The following ZCWPW1 variants were observed in gnomAD, a reference collection of about 807,000 sequenced individuals.
ZCWPW1 encodes the protein zinc finger CW-type PWWP domain protein 1.
Under a neutral mutation model 81.3 loss-of-function variants are expected in ZCWPW1, and 56 were observed. That is an observed-to-expected ratio of 0.69 (90% CI 0.56 to 0.86). The LOEUF (loss-of-function observed/expected upper bound fraction) is 0.86, where lower values mean the gene tolerates loss of function less well. ZCWPW1 is among the 40% of genes least tolerant of loss of function. The probability of loss-of-function intolerance (pLI) is 0.00; values close to 1 mark genes in which losing one functional copy is unlikely to be tolerated. For synonymous variants in ZCWPW1, 250 were observed against 273.7 expected (o/e 0.91, Z 0.86); for missense variants, 650 against 769.8 (o/e 0.84, Z 1.84).
chr7:100,427,494 G>A (rs913054219), intron 1 of ZCWPW1, among the ~76,000 whole-genome samples: 1 of 151,784 alleles, frequency 6.6e-6, no homozygotes. Flanking sequence ...AAGGTCAGGA[G>A]TTCGAGACCA....
At chr7:100,421,901 A>T (rs1796422857) in intron 2 of ZCWPW1, among the ~76,000 whole-genome samples, 1 of 152,164 alleles carries the variant, frequency 6.6e-6, no homozygotes, top group Non-Finnish European at 1.5e-5. Flanking sequence ...CATATTGGTC[A>T]GGCTGGTCTT....
Position 100,425,140 on chromosome 7 carries a change from G to T in ZCWPW1, c.-136-4C>A, listed in dbSNP as rs1475277437. 1 of 152,204 alleles carries T rather than the reference G, an allele frequency of 6.6e-6. No homozygotes were observed. Among genetic ancestry groups the T allele is most frequent in the East Asian group, 1.9e-4 (1 of 5,186 alleles). 9.4% of individuals were successfully genotyped at this position (152,204 alleles called of 1,614,324 possible). A position where few individuals can be genotyped will look rare whatever the true frequency, so the allele number is the denominator to read the frequency against. ...TCACAATAACAAATACTGAAAGCTG[G>T]TTCAGAGAGAGAGAGAAAAAAATAT... On this transcript the variant is annotated splice_polypyrimidine_tract_variant and splice_region_variant and intron_variant, in intron 1 of 17. Coordinates refer to ENST00000684423, the MANE Select transcript of ZCWPW1 (RefSeq NM_001386010.1).
At position 100,416,064 on chromosome 7, in the gene ZCWPW1, T is replaced by C; in HGVS notation, c.665A>G (p.His222Arg). The change falls in exon 8 of 18, where the codon CAT becomes CGT. Residue 222 changes from histidine (H) to arginine (R), a missense_variant. His to Arg is a conservative substitution (Grantham distance 29). Transcript: ENST00000684423. ...TAGTCGGTCTTCCTGTCTGTGCTCA[T>C]GTCCACCTTGAGTTTTCTCCACCTT... is the stretch of plus-strand genomic sequence containing the variant. Reference protein sequence around the residue: ...DEKVEKTQGGHEHRQEDRLKK... With the variant: ...DEKVEKTQGGREHRQEDRLKK... 1 of 1,614,098 alleles carries C rather than the reference T, an allele frequency of 6.2e-7. No homozygotes were observed. Among genetic ancestry groups the C allele is most frequent in the Non-Finnish European group, 8.5e-7 (1 of 1,180,044 alleles).
At chr7:100,406,370 G>A (rs1293382689) in intron 12 of ZCWPW1, among the ~76,000 whole-genome samples, 2 of 152,092 alleles carry the variant, frequency 1.3e-5, no homozygotes, top group South Asian at 2.1e-4. Flanking sequence ...TATCTCGCCC[G>A]AAATGCCAAT....
chr7:100,403,622 G>A (rs1198968430), intron 15 of ZCWPW1, 72 bp downstream of exon 15: 2 of 1,396,504 alleles, frequency 1.4e-6, no homozygotes, highest in East Asian at 5.3e-5. Flanking sequence ...CCAGGAGTTT[G>A]AGACCAGCCT....
At chr7:100,419,558 T>C in intron 4 of ZCWPW1, 72 bp downstream of exon 4, 3 of 1,524,630 alleles carry the variant, frequency 2.0e-6, no homozygotes, top group South Asian at 1.4e-5. Flanking sequence ...GAAAAGACTC[T>C]GTTTGTCTAG....
chr7:100,428,432 T>G (rs1213114164), intron 1 of ZCWPW1, 136 bp downstream of exon 1: 1 of 152,274 alleles, frequency 6.6e-6, no homozygotes, highest in Non-Finnish European at 1.5e-5. Context: ...TGGTGTCACA[T>G]ATTTTTAGGC....
intron 2 of ZCWPW1, among the ~76,000 whole-genome samples, chr7:100,424,207 C>T (rs915829524): frequency 4.0e-5 from 6 of 151,820 alleles, no homozygotes; most frequent in South Asian, 2.1e-4. Context: ...TAAATTACAA[C>T]GGCTATGCTA....
intron 1 of ZCWPW1, among the ~76,000 whole-genome samples, chr7:100,425,480 C>CA (rs751171101): frequency 7.2e-5 from 11 of 151,990 alleles, no homozygotes; most frequent in Non-Finnish European, 1.3e-4. Context: ...ATGAGGATCT[C>CA]AAAAAAGAGT....
At chr7:100,417,227 A>G in intron 5 of ZCWPW1, 44 bp from the exon 6 acceptor site, 2 of 1,508,306 alleles carry the variant, frequency 1.3e-6, no homozygotes, top group Non-Finnish European at 1.8e-6. Flanking sequence ...AAAAAACGAA[A>G]AAGCCACTCT....
At chr7:100,401,733 G>A (rs1791943589) in intron 17 of ZCWPW1, among the ~76,000 whole-genome samples, 156 bp downstream of exon 17, 1 of 152,198 alleles carries the variant, frequency 6.6e-6, no homozygotes. Flanking sequence ...TTTCTATAGT[G>A]TGTGCTGGGT....
chr7:100,403,163 G>A (rs937728441), intron 15 of ZCWPW1, among the ~76,000 whole-genome samples: 23 of 152,056 alleles, frequency 1.5e-4, no homozygotes, highest in Admixed American at 1.4e-3. Flanking sequence ...CCATTCTAAC[G>A]AGATCCTTAC....
intron 9 of ZCWPW1, 66 bp from the exon 10 acceptor site, chr7:100,408,725 G>A: frequency 6.4e-7 from 1 of 1,562,852 alleles, no homozygotes. Flanking sequence ...CTGGATGAGA[G>A]CTGGGGAGAG....
intron 5 of ZCWPW1, among the ~76,000 whole-genome samples, chr7:100,418,483 T>G (rs1795761732): frequency 1.3e-5 from 2 of 152,072 alleles, no homozygotes; most frequent in African/African-American, 4.8e-5. Context: ...AGACCTCATC[T>G]CTACAAAAAG....
intron 2 of ZCWPW1, among the ~76,000 whole-genome samples, chr7:100,420,912 G>A (rs1020977905): frequency 6.6e-6 from 1 of 152,180 alleles, no homozygotes; most frequent in African/African-American, 2.4e-5. Context: ...CACTTTGGGA[G>A]GCCATGGCAG....
chr7:100,422,001 G>A (rs1054591531), intron 2 of ZCWPW1, among the ~76,000 whole-genome samples: 1 of 152,198 alleles, frequency 6.6e-6, no homozygotes, highest in Non-Finnish European at 1.5e-5. Context: ...CTGACATCAT[G>A]TGTTTCTTGA....
Position 100,427,572 on chromosome 7 carries a change from G to A in ZCWPW1, c.-137+996C>T, listed in dbSNP as rs555468154. Among the ~76,000 whole-genome samples the A allele has an allele frequency of 2.0e-5, 3 of 151,892 alleles. No individual in the cohort carries two copies. The South Asian group carries it at 6.2e-4, about 32-fold the overall frequency. On this transcript the variant is annotated intron_variant, in intron 1 of 17. Transcript: ENST00000684423. ...AAATTAGCCGGGCACAGTGGCGGGC[G>A]CCTGTAGTCCCAGCTCCTCGGGAGG...
chr7:100,421,325 AAG>A (rs1796300974), intron 2 of ZCWPW1, among the ~76,000 whole-genome samples: 1 of 152,210 alleles, frequency 6.6e-6, no homozygotes, highest in Non-Finnish European at 1.5e-5. Flanking sequence ...CCTGGCAGTT[AAG>A]AGTTTTCTTC....
chr7:100,406,551 C>A (rs1000339558), intron 12 of ZCWPW1, 143 bp downstream of exon 12: 2 of 742,018 alleles, frequency 2.7e-6, no homozygotes, highest in Admixed American at 2.7e-5. Flanking sequence ...AAGAAGAGTC[C>A]TTCATGAATT....
Sources: allele counts gnomAD v4.1 joint callset (sites outside exome capture counted in the v4.1 genomes callset), GRCh38; gene constraint gnomAD v4.1.1; transcripts MANE v1.5; gene names NCBI Gene and HGNC (gene_info 2026-07-23, HGNC 2026-07-21).